Variants in OR51B5 observed in about 807,000 individuals in gnomAD.
The protein encoded by OR51B5 is olfactory receptor 51B5.
For synonymous variants in OR51B5, 186 were observed against 144.8 expected, an observed-to-expected ratio of 1.28 and a Z score of -2.04; for missense variants, 456 against 374.6, an observed-to-expected ratio of 1.22 and a Z score of -1.79.
chr11:5,496,809 C>T (rs990374689), intron 1 of OR51B5, among the ~76,000 whole-genome samples: 2 of 152,190 alleles, frequency 1.3e-5, no homozygotes, highest in South Asian at 2.1e-4. Flanking sequence ...AGTAGACGTA[C>T]GTGATGCTGC....
chr11:5,375,594 CAAAAT>C (rs1239811591), intron 1 of OR51B5, among the ~76,000 whole-genome samples: 2 of 151,840 alleles, frequency 1.3e-5, no homozygotes, highest in African/African-American at 4.8e-5. Flanking sequence ...CACATAGGCT[CAAAAT>C]AAAAGGATGG....
intron 1 of OR51B5, among the ~76,000 whole-genome samples, chr11:5,378,257 T>A (rs1235966463): frequency 2.6e-5 from 4 of 152,050 alleles, no homozygotes; most frequent in Non-Finnish European, 4.4e-5. Flanking sequence ...TGGCTAGCCA[T>A]ATGTAGAATG....
At chr11:5,351,577 T>C in intron 1 of OR51B5, 1 of 1,614,150 alleles carries the variant, frequency 6.2e-7, no homozygotes, top group Non-Finnish European at 8.5e-7. Flanking sequence ...GGCACATCAC[T>C]GGATATTCAT....
chr11:5,360,649 T>C (rs1261294134), intron 1 of OR51B5, among the ~76,000 whole-genome samples: 36 of 152,112 alleles, frequency 2.4e-4, no homozygotes, highest in African/African-American at 8.2e-4. Flanking sequence ...GGGTACATAC[T>C]CAAAGGATTA....
At chr11:5,457,772 T>C (rs1185048064) in intron 1 of OR51B5, among the ~76,000 whole-genome samples, 2 of 152,224 alleles carry the variant, frequency 1.3e-5, no homozygotes, top group African/African-American at 4.8e-5. Flanking sequence ...TGTCTTCTTT[T>C]GAGAAGGATA....
At chr11:5,451,129 A>G (rs1302854815) in intron 1 of OR51B5, among the ~76,000 whole-genome samples, 1 of 152,148 alleles carries the variant, frequency 6.6e-6, no homozygotes, top group African/African-American at 2.4e-5. Flanking sequence ...ATAAGTATTC[A>G]TTTTCTTTCT....
chr11:5,381,145 C>T (rs993742929), intron 1 of OR51B5, among the ~76,000 whole-genome samples: 12 of 98,140 alleles, frequency 1.2e-4, no homozygotes, highest in African/African-American at 2.4e-4. Flanking sequence ...CTCTCTCTGT[C>T]GCTCGCTCGC....
chr11:5,460,540 A>G (rs1031050586), intron 1 of OR51B5, among the ~76,000 whole-genome samples: 8 of 152,100 alleles, frequency 5.3e-5, no homozygotes, highest in Non-Finnish European at 1.0e-4. Context: ...TATCTCATTG[A>G]GCTTCCTTGC....
At position 5,477,886 on chromosome 11, in the gene OR51B5, T is replaced by C. The variant is rs1324805863; in HGVS notation, n.84+27683A>G. 2.0e-5 allele frequency among the ~76,000 whole-genome samples: 3 copies of C among 152,030 alleles called. 1 individual carries two copies. The highest frequency in any genetic ancestry group is 7.2e-5 in the African/African-American group (3 of 41,418). On this transcript the variant is annotated intron_variant and non_coding_transcript_variant, in intron 1 of 4. Transcript: ENST00000415970. ...ACGCCCACGGAGTCTCCCTGATTGC[T>C]AGCACAGCAGTCTGGGATCAAACTG...
At position 5,455,299 on chromosome 11, in the gene OR51B5, C is replaced by T. The variant is rs1354055144; in HGVS notation, n.84+50270G>A. ...TTCTTGAGATTTTAACTGTCTTCCACAAAATGACATGTTAAGAGATGTTAG... is the reference window on the plus strand; with the variant it reads ...TTCTTGAGATTTTAACTGTCTTCCATAAAATGACATGTTAAGAGATGTTAG... On this transcript the variant is annotated intron_variant and non_coding_transcript_variant, in intron 1 of 4. Coordinates refer to the OR51B5 transcript ENST00000415970. 2.1e-5 allele frequency: 3 copies of T among 145,702 alleles called. No individual in the cohort carries two copies. The East Asian group carries it at 6.0e-4, about 29-fold the overall frequency. 9.0% of individuals were successfully genotyped at this position (145,702 alleles called of 1,614,324 possible).
intron 1 of OR51B5, among the ~76,000 whole-genome samples, chr11:5,406,210 T>A (rs900358329): frequency 3.3e-5 from 5 of 152,202 alleles, no homozygotes; most frequent in African/African-American, 1.2e-4. Context: ...TGTATGGCCA[T>A]TGGAAATACT....
At chr11:5,360,984 C>G (rs552962971) in intron 1 of OR51B5, among the ~76,000 whole-genome samples, 20 of 141,842 alleles carry the variant, frequency 1.4e-4, no homozygotes, top group Non-Finnish European at 2.3e-4. Context: ...ACACCAGGGC[C>G]TGCAGTGGGG....
At chr11:5,378,488 G>A (rs1849562315) in intron 1 of OR51B5, among the ~76,000 whole-genome samples, 1 of 152,180 alleles carries the variant, frequency 6.6e-6, no homozygotes, top group Non-Finnish European at 1.5e-5. Flanking sequence ...AAGAGCTTCT[G>A]CACAGCTAAA....
At chr11:5,409,458 A>G (rs1462737610) in intron 1 of OR51B5, among the ~76,000 whole-genome samples, 1 of 152,174 alleles carries the variant, frequency 6.6e-6, no homozygotes, top group Non-Finnish European at 1.5e-5. Context: ...GGAAAAATTC[A>G]CCAAAGAATC....
At chr11:5,403,508 C>T (rs1850007128) in intron 1 of OR51B5, 2 of 471,672 alleles carry the variant, frequency 4.2e-6, no homozygotes, top group African/African-American at 2.0e-5. Context: ...TCCATGGTGC[C>T]ATTGTCCGAA....
At chr11:5,423,421 C>T (rs1850389434) in intron 1 of OR51B5, among the ~76,000 whole-genome samples, 1 of 152,110 alleles carries the variant, frequency 6.6e-6, no homozygotes, top group South Asian at 2.1e-4. Context: ...GTAAAGTTCT[C>T]TCGAAGCTTG....
At chr11:5,441,515 G>A (rs1850689933) in intron 1 of OR51B5, 2 of 1,608,256 alleles carry the variant, frequency 1.2e-6, no homozygotes, top group Admixed American at 1.7e-5. Context: ...GACCCAGCAT[G>A]GTGGGAGAAT....
Position 5,389,665 on chromosome 11 carries a change from G to A in OR51B5, n.85-42755C>T, listed in dbSNP as rs757212130. On this transcript the variant is annotated intron_variant and non_coding_transcript_variant, in intron 1 of 4. Transcript: ENST00000415970. ...CTGACCTGGGGCTGTGTGTGTCCACGTTGCCCACCACTATGGGGATCTTCT... is the reference window on the plus strand; with the variant it reads ...CTGACCTGGGGCTGTGTGTGTCCACATTGCCCACCACTATGGGGATCTTCT... The A allele has an allele frequency of 3.8e-5, 62 of 1,613,414 alleles. 1 individual carries two copies. The highest frequency in any genetic ancestry group is 3.8e-4 in the Admixed American group (23 of 60,006).
intron 1 of OR51B5, among the ~76,000 whole-genome samples, chr11:5,367,062 C>T (rs1369788270): frequency 6.6e-6 from 1 of 152,212 alleles, no homozygotes; most frequent in Non-Finnish European, 1.5e-5. Context: ...AGACCAAAGA[C>T]ATTCTCTCAA....
Sources: allele counts gnomAD v4.1 joint callset (sites outside exome capture counted in the v4.1 genomes callset), GRCh38; gene constraint gnomAD v4.1.1; transcripts MANE v1.5; gene names NCBI Gene and HGNC (gene_info 2026-07-23, HGNC 2026-07-21).